The following MSRB3 variants were observed in gnomAD, a reference collection of about 807,000 sequenced individuals.
The protein encoded by MSRB3 is methionine sulfoxide reductase B3.
A neutral mutation model predicts 21.0 loss-of-function variants in MSRB3; 13 were observed. The ratio of observed to expected loss-of-function variants is 0.62; its 90% CI spans 0.40 to 0.98. The LOEUF (loss-of-function observed/expected upper bound fraction) is 0.98. Ranked by LOEUF, MSRB3 falls within the 50% of genes least tolerant of loss-of-function variation. MSRB3 has a pLI of 0.00. For missense variants in MSRB3, 199 were observed against 230.3 expected (o/e 0.86, Z 0.88); for synonymous variants, 87 against 88.6 (o/e 0.98, Z 0.10).
intron 5 of MSRB3, among the ~76,000 whole-genome samples, chr12:65,432,144 A>G (rs1881905998): frequency 6.6e-6 from 1 of 152,054 alleles, no homozygotes; most frequent in South Asian, 2.1e-4. Flanking sequence ...TATAAAACAC[A>G]AAGGAATACA....
At chr12:65,385,689 A>C (rs1222602206) in intron 5 of MSRB3, among the ~76,000 whole-genome samples, 4 of 152,010 alleles carry the variant, frequency 2.6e-5, no homozygotes, top group Non-Finnish European at 5.9e-5. Context: ...AGCACTAAAA[A>C]AATTAAAATG....
intron 1 of MSRB3, among the ~76,000 whole-genome samples, chr12:65,300,504 T>G (rs1873254320): frequency 6.6e-6 from 1 of 152,164 alleles, no homozygotes; most frequent in African/African-American, 2.4e-5. Context: ...AGGACATCAA[T>G]CTGGGGGCAC....
intron 1 of MSRB3, among the ~76,000 whole-genome samples, chr12:65,298,433 AC>A (rs1236070185): frequency 1.3e-5 from 2 of 152,214 alleles, no homozygotes; most frequent in African/African-American, 4.8e-5. Context: ...TCTTTGAAAA[AC>A]ATCTTTTAAT....
Position 65,422,151 on chromosome 12 carries a change from CAA to C in MSRB3, c.293-31575_293-31574del, listed in dbSNP as rs1386611470. 2.0e-5 allele frequency among the ~76,000 whole-genome samples: 3 copies of C among 151,680 alleles called. No homozygotes were observed. The East Asian group carries it at 5.8e-4, about 29-fold the overall frequency. On this transcript the variant is annotated intron_variant, in intron 5 of 6. Coordinates refer to ENST00000308259, the MANE Select transcript of MSRB3 (RefSeq NM_001031679.3). ...GACAAAGAAGGGCATTACATAATGGCAAAGGGCTCAATTCAATAAGACCTAAC... is the reference window on the plus strand; with the variant it reads ...GACAAAGAAGGGCATTACATAATGGCAGGGCTCAATTCAATAAGACCTAAC...
intron 5 of MSRB3, among the ~76,000 whole-genome samples, chr12:65,376,167 C>T (rs904101922): frequency 1.3e-4 from 19 of 149,842 alleles, no homozygotes; most frequent in Non-Finnish European, 2.2e-4. Flanking sequence ...TCGCCCAGGC[C>T]AGAGTGCAGT....
At chr12:65,422,028 G>A (rs1592622417) in intron 5 of MSRB3, among the ~76,000 whole-genome samples, 1 of 152,076 alleles carries the variant, frequency 6.6e-6, no homozygotes, top group African/African-American at 2.4e-5. Context: ...ATAAAGGGAT[G>A]GAGGAAAACC....
At chr12:65,335,985 T>C (rs1364037573) in intron 4 of MSRB3, among the ~76,000 whole-genome samples, 1 of 152,222 alleles carries the variant, frequency 6.6e-6, no homozygotes, top group Non-Finnish European at 1.5e-5. Context: ...AGTGGTGGCT[T>C]ACTTAAAGTT....
intron 2 of MSRB3, among the ~76,000 whole-genome samples, chr12:65,325,393 C>T (rs1874951502): frequency 6.6e-6 from 1 of 152,144 alleles, no homozygotes; most frequent in Admixed American, 6.5e-5. Flanking sequence ...GGAAGGTCAG[C>T]AGAGGTGCTG....
At chr12:65,420,720 C>T (rs555400394) in intron 5 of MSRB3, among the ~76,000 whole-genome samples, 17 of 152,228 alleles carry the variant, frequency 1.1e-4, no homozygotes, top group African/African-American at 2.2e-4. Context: ...TAAGTGAGAA[C>T]GTGCAGTATT....
intron 4 of MSRB3, among the ~76,000 whole-genome samples, chr12:65,337,891 T>C (rs1177874010): frequency 6.6e-6 from 1 of 152,200 alleles, no homozygotes; most frequent in Non-Finnish European, 1.5e-5. Flanking sequence ...AACTCAGAGT[T>C]TTAATACATT....
In MSRB3 at chr12:65,463,440, G is replaced by A; in HGVS notation, c.*118G>A. On this transcript the variant is annotated 3_prime_UTR_variant, in exon 7 of 7. Transcript: ENST00000308259. ...ACTATAAGGGCAGTTTTGTGCTATT[G>A]ATATTTTTTCTTCTTTTGCTTAAAC... is the stretch of plus-strand genomic sequence containing the variant. 6 of 1,288,134 alleles carry A rather than the reference G, an allele frequency of 4.7e-6. No individual in the cohort carries two copies. In the South Asian group the frequency reaches 5.7e-5, roughly 12 times the overall value. The allele number at this position is 1,288,134 out of a possible 1,614,324, so 79.8% of individuals were successfully genotyped here.
chr12:65,385,404 A>C (rs1879154681), intron 5 of MSRB3, among the ~76,000 whole-genome samples: 1 of 152,070 alleles, frequency 6.6e-6, no homozygotes, highest in South Asian at 2.1e-4. Flanking sequence ...TTTCATAGTT[A>C]GGAAAACTGG....
chr12:65,283,257 T>C (rs1304879696), intron 1 of MSRB3, among the ~76,000 whole-genome samples: 13 of 152,310 alleles, frequency 8.5e-5, no homozygotes, highest in Non-Finnish European at 2.9e-5. Context: ...CTCTGTCAGA[T>C]GGTAGTTTGT....
At position 65,300,286 on chromosome 12, in the gene MSRB3, G is replaced by A. The variant is rs1873238953; in HGVS notation, c.-51-8243G>A. On this transcript the variant is annotated intron_variant, in intron 1 of 6. Coordinates refer to ENST00000308259, the MANE Select transcript of MSRB3 (RefSeq NM_001031679.3). ...GTTGAGACAAGTTTATGAGCTCTGA[G>A]TGATCAAAGTCAAGTAGCTGTCTCC... Among the ~76,000 whole-genome samples, 3 of 152,200 alleles carry A rather than the reference G, an allele frequency of 2.0e-5. No homozygotes were observed. In the South Asian group the frequency reaches 6.2e-4, roughly 31 times the overall value.
At chr12:65,396,253 G>T (rs1038696713) in intron 5 of MSRB3, among the ~76,000 whole-genome samples, 1 of 151,958 alleles carries the variant, frequency 6.6e-6, no homozygotes, top group South Asian at 2.1e-4. Flanking sequence ...TTTCTTCTTT[G>T]ATCCATGTGC....
chr12:65,387,052 AGC>A (rs1379352671), intron 5 of MSRB3, among the ~76,000 whole-genome samples: 4 of 152,054 alleles, frequency 2.6e-5, no homozygotes, highest in Admixed American at 1.3e-4. Flanking sequence ...GCTATTGTAG[AGC>A]TAATGGGTGA....
At chr12:65,279,694 A>G (rs1425721070) in intron 1 of MSRB3, among the ~76,000 whole-genome samples, 1 of 152,240 alleles carries the variant, frequency 6.6e-6, no homozygotes, top group East Asian at 1.9e-4. Flanking sequence ...GTAAGACTTT[A>G]TAAGATAATC....
In MSRB3 at chr12:65,463,414, A is replaced by T; in HGVS notation, c.*92A>T. 1.4e-6 allele frequency: 2 copies of T among 1,447,730 alleles called. No individual in the cohort carries two copies. Among genetic ancestry groups the T allele is most frequent in the Non-Finnish European group, 1.9e-6 (2 of 1,061,866 alleles). 89.7% of individuals were successfully genotyped at this position (1,447,730 alleles called of 1,614,324 possible). ...ATCTTAATAGATATATTTTTTCAAAAACTATAAGGGCAGTTTTGTGCTATT... is the reference window on the plus strand; with the variant it reads ...ATCTTAATAGATATATTTTTTCAAATACTATAAGGGCAGTTTTGTGCTATT... On this transcript the variant is annotated 3_prime_UTR_variant, in exon 7 of 7. Transcript: ENST00000308259.
chr12:65,390,577 A>G (rs1879428258), intron 5 of MSRB3, among the ~76,000 whole-genome samples: 1 of 152,222 alleles, frequency 6.6e-6, no homozygotes, highest in Admixed American at 6.5e-5. Context: ...AAATTGATGC[A>G]ATCTTTCTGA....
Sources: gnomAD v4.1 joint callset for allele counts (sites outside exome capture counted in the v4.1 genomes callset) on GRCh38, gnomAD v4.1.1 for gene constraint, MANE v1.5 for transcripts, NCBI Gene and HGNC (gene_info 2026-07-23, HGNC 2026-07-21) for gene names.